The following PPP2R5E variants were observed in gnomAD, a reference collection of about 807,000 sequenced individuals.
PPP2R5E encodes protein phosphatase 2 regulatory subunit B'epsilon.
PPP2R5E carries 4 observed loss-of-function variants against 65.3 expected under a neutral mutation model. The ratio of observed to expected loss-of-function variants is 0.06; its 90% confidence interval spans 0.03 to 0.14. The LOEUF is 0.14. Among genes scored for constraint, PPP2R5E ranks in the 10% least tolerant of loss-of-function variants. The pLI is 1.00. For synonymous variants in PPP2R5E, 183 were observed against 187.4 expected (o/e 0.98, Z 0.19); for missense variants, 274 against 556.1 (o/e 0.49, Z 5.10).
intron 5 of PPP2R5E, among the ~76,000 whole-genome samples, chr14:63,400,874 G>A (rs1885715163): frequency 6.6e-6 from 1 of 151,990 alleles, no homozygotes; most frequent in South Asian, 2.1e-4. Context: ...CTACTTTTAA[G>A]TGTTTCAAAA....
intron 3 of PPP2R5E, among the ~76,000 whole-genome samples, chr14:63,448,052 C>T (rs999784696): frequency 6.6e-6 from 1 of 152,188 alleles, no homozygotes; most frequent in Non-Finnish European, 1.5e-5. Flanking sequence ...AATCCCAGCA[C>T]TTTGGGAGGC....
intron 5 of PPP2R5E, among the ~76,000 whole-genome samples, chr14:63,397,059 G>C (rs1478393308): frequency 6.6e-6 from 1 of 152,188 alleles, no homozygotes; most frequent in African/African-American, 2.4e-5. Flanking sequence ...TTACAGAAGA[G>C]GAAACTGGGG....
intron 5 of PPP2R5E, among the ~76,000 whole-genome samples, chr14:63,410,452 T>G (rs11158490): frequency 0.28 from 42,817 of 151,852 alleles, 9,230 homozygotes; most frequent in African/African-American, 0.6. Context: ...CAAGGACAGT[T>G]AAGTCACAGT....
intron 2 of PPP2R5E, among the ~76,000 whole-genome samples, chr14:63,487,645 C>G (rs74056119): frequency 0.02 from 3,040 of 152,246 alleles, 99 homozygotes; most frequent in African/African-American, 0.069. Flanking sequence ...AATTTTAGTC[C>G]TTTCTATACA....
chr14:63,481,795 T>C (rs986186299), intron 2 of PPP2R5E, among the ~76,000 whole-genome samples: 8 of 152,352 alleles, frequency 5.3e-5, no homozygotes, highest in African/African-American at 1.9e-4. Flanking sequence ...TTTAAAATGA[T>C]ATATTTTTAA....
intron 3 of PPP2R5E, among the ~76,000 whole-genome samples, chr14:63,437,487 A>T (rs573760666): frequency 6.6e-6 from 1 of 152,234 alleles, no homozygotes; most frequent in South Asian, 2.1e-4. Context: ...GATATAACAC[A>T]TTTTGCACTT....
chr14:63,411,658 TAAAAAAAAA>T (rs766263301), intron 5 of PPP2R5E, among the ~76,000 whole-genome samples: 5 of 93,108 alleles, frequency 5.4e-5, no homozygotes, highest in South Asian at 3.9e-4. Flanking sequence ...TGTGGTTGTT[TAAAAAAAAA>T]AAAAAAAAAA....
chr14:63,393,974 G>A, intron 7 of PPP2R5E, 46 bp from the exon 8 acceptor site: 1 of 1,122,872 alleles, frequency 8.9e-7, no homozygotes, highest in Non-Finnish European at 1.3e-6. Flanking sequence ...ACCACAAGTT[G>A]AACTGAGACA....
intron 2 of PPP2R5E, among the ~76,000 whole-genome samples, chr14:63,460,185 T>C (rs1319166411): frequency 6.6e-6 from 1 of 152,206 alleles, no homozygotes; most frequent in Non-Finnish European, 1.5e-5. Flanking sequence ...TGTACTAAGC[T>C]CCTGACACAC....
chr14:63,376,398 T>C (rs1259461545), intron 13 of PPP2R5E, among the ~76,000 whole-genome samples: 4 of 152,176 alleles, frequency 2.6e-5, no homozygotes, highest in South Asian at 2.1e-4. Flanking sequence ...ACAGAGAATA[T>C]AGTAGGTCAA....
At chr14:63,477,797 A>G (rs1453216241) in intron 2 of PPP2R5E, among the ~76,000 whole-genome samples, 2 of 151,958 alleles carry the variant, frequency 1.3e-5, no homozygotes, top group Non-Finnish European at 2.9e-5. Flanking sequence ...AGCAGCATAT[A>G]TACTAAAACT....
At chr14:63,474,890 G>T (rs1890330407) in intron 2 of PPP2R5E, among the ~76,000 whole-genome samples, 2 of 152,130 alleles carry the variant, frequency 1.3e-5, no homozygotes, top group Admixed American at 1.3e-4. Context: ...ACACTTACAA[G>T]TTGAGTAGAG....
intron 11 of PPP2R5E, among the ~76,000 whole-genome samples, chr14:63,385,431 T>C (rs937120007): frequency 6.6e-6 from 1 of 152,206 alleles, no homozygotes; most frequent in Non-Finnish European, 1.5e-5. Context: ...ATTCTGCCCA[T>C]GTCATCTGAT....
intron 4 of PPP2R5E, among the ~76,000 whole-genome samples, chr14:63,416,213 A>G (rs745366029): frequency 1.3e-5 from 2 of 152,232 alleles, no homozygotes; most frequent in Non-Finnish European, 2.9e-5. Context: ...TCAGCTACTC[A>G]GAAGGCTGAG....
At chr14:63,385,452 C>A (rs1884605942) in intron 11 of PPP2R5E, among the ~76,000 whole-genome samples, 1 of 152,180 alleles carries the variant, frequency 6.6e-6, no homozygotes, top group Admixed American at 6.5e-5. Flanking sequence ...TCCACACTTT[C>A]CTGACATCAC....
At chr14:63,446,828 C>CAAA (rs55892835) in intron 3 of PPP2R5E, among the ~76,000 whole-genome samples, 1 of 92,180 alleles carries the variant, frequency 1.1e-5, no homozygotes, top group Non-Finnish European at 2.2e-5. Flanking sequence ...GACTCCATCT[C>CAAA]AAAAAAAAAA....
chr14:63,379,218 C>T (rs1287903736), intron 13 of PPP2R5E, among the ~76,000 whole-genome samples: 5 of 151,990 alleles, frequency 3.3e-5, no homozygotes, highest in Admixed American at 2.0e-4. Flanking sequence ...TTAGTAGAGA[C>T]GGGGTTTCAC....
intron 3 of PPP2R5E, among the ~76,000 whole-genome samples, chr14:63,430,381 A>ACATACATACATACATACATACATACATG: frequency 7.5e-6 from 1 of 132,974 alleles, no homozygotes; most frequent in East Asian, 2.9e-4. Context: ...ATGCATGCAT[A>ACATACATACATACATACATACATACATG]CATACATACA....
rs111514483 is a variant in PPP2R5E at position 63,488,589 on chromosome 14, C to G, written c.158-34704G>C. On this transcript the variant is annotated intron_variant, in intron 2 of 13. Transcript: ENST00000337537. The stretch of plus-strand genomic sequence containing the variant: ...AAGGGCCAAGCATTGTGGGTCATGC[C>G]TGTAATCCCAGCACTTTGGGAGGCT... Among the ~76,000 whole-genome samples, 287 of 152,218 alleles carry G rather than the reference C, an allele frequency of 1.9e-3. 3 individuals are homozygous for G. The highest frequency in any genetic ancestry group is 6.5e-3 in the African/African-American group (271 of 41,550).
Sources: gnomAD v4.1 joint callset for allele counts (sites outside exome capture counted in the v4.1 genomes callset) on GRCh38, gnomAD v4.1.1 for gene constraint, MANE v1.5 for transcripts, NCBI Gene and HGNC (gene_info 2026-07-23, HGNC 2026-07-21) for gene names.